Variants in LRRC17 observed in about 807,000 individuals in gnomAD.
LRRC17 encodes the protein leucine rich repeat containing 17.
LRRC17 carries 33 observed loss-of-function variants against 41.5 expected under a neutral mutation model. The observed-to-expected ratio is 0.80, with a 90% CI of 0.60 to 1.06. The LOEUF (loss-of-function observed/expected upper bound fraction) is 1.06. LRRC17 is among the 50% of genes least tolerant of loss of function. LRRC17 has a pLI of 0.00. For synonymous variants in LRRC17, 192 were observed against 197.0 expected (o/e 0.97, Z 0.21); for missense variants, 491 against 519.3 (o/e 0.95, Z 0.53).
chr7:102,943,238 G>A (rs925053250), intron 3 of LRRC17, among the ~76,000 whole-genome samples: 4 of 151,802 alleles, frequency 2.6e-5, no homozygotes, highest in South Asian at 4.2e-4. Context: ...ATCACCACCC[G>A]GCACATTTTT....
intron 1 of LRRC17, among the ~76,000 whole-genome samples, chr7:102,928,558 G>A (rs1023512058): frequency 1.3e-5 from 2 of 152,170 alleles, no homozygotes; most frequent in African/African-American, 4.8e-5. Flanking sequence ...AATCGGACAA[G>A]ACTTTGATGT....
At chr7:102,915,938 T>A (rs1198115516) in intron 1 of LRRC17, among the ~76,000 whole-genome samples, 1 of 152,134 alleles carries the variant, frequency 6.6e-6, no homozygotes, top group Non-Finnish European at 1.5e-5. Flanking sequence ...CTGTAGTTTT[T>A]ACCTACATTT....
At chr7:102,941,377 T>G (rs777681284) in intron 3 of LRRC17, among the ~76,000 whole-genome samples, 42 of 152,156 alleles carry the variant, frequency 2.8e-4, no homozygotes, top group Non-Finnish European at 4.6e-4. Flanking sequence ...CCCCCTATGA[T>G]TCCATCTCCA....
At chr7:102,942,829 A>G (rs1821731575) in intron 3 of LRRC17, among the ~76,000 whole-genome samples, 1 of 152,208 alleles carries the variant, frequency 6.6e-6, no homozygotes, top group Admixed American at 6.5e-5. Context: ...ATTCAAAATA[A>G]GGACGCTATG....
chr7:102,934,053 G>T lies in LRRC17; in HGVS notation c.140G>T (p.Arg47Leu), dbSNP rs773077767. ...CGGAGAGGCTCCAACCCGGTCAAACGCTACGCACCAGGCCTCCCGTGTGAC... is the reference window on the plus strand; with the variant it reads ...CGGAGAGGCTCCAACCCGGTCAAACTCTACGCACCAGGCCTCCCGTGTGAC... ...GGRRGSNPVK[R>L]YAPGLPCDVY... Residue 47 changes from arginine to leucine, a missense_variant, in exon 2 of 4, where the codon CGC becomes CTC. Transcript: ENST00000339431. The T allele has an allele frequency of 4.3e-6, 7 of 1,614,126 alleles. No homozygotes were observed. In the Admixed American group the frequency reaches 1.2e-4, roughly 27 times the overall value.
intron 1 of LRRC17, among the ~76,000 whole-genome samples, chr7:102,930,310 C>T (rs1818928172): frequency 1.3e-5 from 2 of 151,998 alleles, no homozygotes; most frequent in Middle Eastern, 3.4e-3. Flanking sequence ...CTCCTATTCC[C>T]TCCTATCTCG....
intron 1 of LRRC17, among the ~76,000 whole-genome samples, chr7:102,928,613 A>G (rs1032193374): frequency 6.6e-6 from 1 of 152,214 alleles, no homozygotes; most frequent in African/African-American, 2.4e-5. Context: ...TAGAGGGCCA[A>G]ACTCAAAGAA....
chr7:102,941,717 T>C (rs1049214585), intron 3 of LRRC17, among the ~76,000 whole-genome samples: 2 of 150,650 alleles, frequency 1.3e-5, no homozygotes, highest in Non-Finnish European at 3.0e-5. Flanking sequence ...GTTTACCAAC[T>C]ATCAATGCAA....
chr7:102,913,192 A>C (rs1472929404), intron 1 of LRRC17, 47 bp downstream of exon 1: 1 of 1,614,172 alleles, frequency 6.2e-7, no homozygotes, highest in Admixed American at 1.7e-5. Flanking sequence ...AGCCAAACTA[A>C]GATTCTGTAA....
intron 1 of LRRC17, among the ~76,000 whole-genome samples, chr7:102,928,728 T>C (rs184627066): frequency 2.2e-4 from 34 of 152,336 alleles, no homozygotes; most frequent in African/African-American, 7.5e-4. Flanking sequence ...ACATTTAACA[T>C]AGTAGGTGCT....
intron 2 of LRRC17, among the ~76,000 whole-genome samples, chr7:102,938,494 A>G (rs1463814815): frequency 6.6e-6 from 1 of 152,194 alleles, no homozygotes; most frequent in Non-Finnish European, 1.5e-5. Flanking sequence ...CCTCCTCAAA[A>G]TCAACAAGAT....
At chr7:102,924,525 A>G (rs1041376220) in intron 1 of LRRC17, among the ~76,000 whole-genome samples, 10 of 152,122 alleles carry the variant, frequency 6.6e-5, no homozygotes, top group African/African-American at 2.4e-4. Context: ...TGACAGCTTA[A>G]TTAGTGGGAT....
chr7:102,934,537 T>A lies in LRRC17; in HGVS notation c.624T>A (p.Ser208=), dbSNP rs758288107. 1.2e-5 allele frequency: 19 copies of A among 1,560,642 alleles called. No individual in the cohort carries two copies. The African/African-American group carries it at 2.5e-4, about 20-fold the overall frequency. The change falls in exon 2 of 4, where the codon TCT becomes TCA. Residue 208 remains serine (S), a synonymous_variant. Coordinates refer to ENST00000339431, the MANE Select transcript of LRRC17 (RefSeq NM_001031692.3). ...QKNKKLRQIK[S]EQLCNEEEKE... is the part of the protein sequence containing the mutation. ...ATAAAAAACTGCGGCAGATAAAATCTGAACAGTTGTGTAATGAAGAAGAAA... is the reference window on the plus strand; with the variant it reads ...ATAAAAAACTGCGGCAGATAAAATCAGAACAGTTGTGTAATGAAGAAGAAA...
At position 102,931,279 on chromosome 7, in the gene LRRC17, G is replaced by C. The variant is rs145835774; in HGVS notation, c.-140-2495G>C. 3.3e-3 allele frequency among the ~76,000 whole-genome samples: 503 copies of C among 152,350 alleles called. 4 individuals carry two copies. The highest frequency in any genetic ancestry group is 0.012 in the African/African-American group (480 of 41,582). On this transcript the variant is annotated intron_variant, in intron 1 of 3. Coordinates refer to ENST00000339431, the MANE Select transcript of LRRC17 (RefSeq NM_001031692.3). Reference sequence around the variant, plus strand: ...ACAGAAACTGAAACAAGTGAGGCTGGAAAGGGAGGCAGAGGCAAAACCACA... The same window carrying C: ...ACAGAAACTGAAACAAGTGAGGCTGCAAAGGGAGGCAGAGGCAAAACCACA...
At chr7:102,916,797 G>A (rs1371901065) in intron 1 of LRRC17, among the ~76,000 whole-genome samples, 1 of 150,820 alleles carries the variant, frequency 6.6e-6, no homozygotes, top group Non-Finnish European at 1.5e-5. Context: ...CTTATGGGGG[G>A]GGGTGTGAGT....
At chr7:102,929,670 A>AG (rs1053118868) in intron 1 of LRRC17, among the ~76,000 whole-genome samples, 1 of 151,272 alleles carries the variant, frequency 6.6e-6, no homozygotes, top group Non-Finnish European at 1.5e-5. Flanking sequence ...TCTCAAAAAA[A>AG]AAAAAAAAAA....
At chr7:102,914,035 C>T (rs140759644) in intron 1 of LRRC17, among the ~76,000 whole-genome samples, 5 of 152,216 alleles carry the variant, frequency 3.3e-5, no homozygotes, top group Admixed American at 1.3e-4. Flanking sequence ...GAGGACACTC[C>T]GTGGACAATT....
intron 1 of LRRC17, among the ~76,000 whole-genome samples, chr7:102,924,959 G>A (rs937960700): frequency 6.6e-6 from 1 of 151,728 alleles, no homozygotes; most frequent in Non-Finnish European, 1.5e-5. Flanking sequence ...TCTCATCACC[G>A]TTATTTTTCA....
In LRRC17 at chr7:102,934,820, T is replaced by C. The variant is rs1819977832; in HGVS notation, c.772+135T>C. ...ACCAGAAATCCTTCCCTATTGACAA[T>C]GGAATTTACCACAAGTTTTTCTGGG... On this transcript the variant is annotated intron_variant, in intron 2 of 3. Coordinates refer to ENST00000339431, the MANE Select transcript of LRRC17 (RefSeq NM_001031692.3). The C allele has an allele frequency of 3.6e-6, 3 of 843,940 alleles. No homozygotes were observed. In the Admixed American group the frequency reaches 9.1e-5, roughly 26 times the overall value. The allele number at this position is 843,940 out of a possible 1,614,324, so 52.3% of individuals were successfully genotyped here. A position where few individuals can be genotyped will look rare whatever the true frequency, so the allele number is the denominator to read the frequency against.
Sources: gnomAD v4.1 joint callset for allele counts (sites outside exome capture counted in the v4.1 genomes callset) on GRCh38, gnomAD v4.1.1 for gene constraint, MANE v1.5 for transcripts, NCBI Gene and HGNC (gene_info 2026-07-23, HGNC 2026-07-21) for gene names.